The following CELF1 variants were observed in gnomAD, a reference collection of about 807,000 sequenced individuals.
CELF1 encodes 50 kDa nuclear polyadenylated RNA-binding protein.
CELF1 carries 10 observed loss-of-function variants against 61.8 expected under a neutral mutation model. That is an observed-to-expected ratio of 0.16 (90% CI 0.10 to 0.27). The LOEUF (loss-of-function observed/expected upper bound fraction) is 0.27. Ranked by LOEUF, CELF1 falls within the 10% of genes least tolerant of loss-of-function variation. CELF1 has a pLI of 1.00. For synonymous variants in CELF1, 236 were observed against 225.1 expected (o/e 1.05, Z -0.43); for missense variants, 380 against 639.1 (o/e 0.59, Z 4.37).
chr11:47,522,036 G>C (rs1237389456), intron 1 of CELF1, among the ~76,000 whole-genome samples: 1 of 151,658 alleles, frequency 6.6e-6, no homozygotes, highest in East Asian at 2.0e-4. Flanking sequence ...TCAGCCTCCC[G>C]AGTAGCTGGG....
At chr11:47,534,066 T>C (rs1320850199) in intron 1 of CELF1, among the ~76,000 whole-genome samples, 1 of 148,650 alleles carries the variant, frequency 6.7e-6, no homozygotes, top group Non-Finnish European at 1.5e-5. Context: ...TTCACTCTTG[T>C]TGCCCAGGCT....
chr11:47,479,000 T>C, intron 9 of CELF1, 48 bp from the exon 10 acceptor site: 1 of 1,483,864 alleles, frequency 6.7e-7, no homozygotes, highest in Non-Finnish European at 9.3e-7. Context: ...TGAGGGCTGG[T>C]TCTGCATCTG....
intron 1 of CELF1, among the ~76,000 whole-genome samples, chr11:47,531,891 T>C (rs1363043232): frequency 6.6e-6 from 1 of 152,196 alleles, no homozygotes; most frequent in Non-Finnish European, 1.5e-5. Context: ...CATTATCTTT[T>C]CCAAGTTCTA....
intron 1 of CELF1, among the ~76,000 whole-genome samples, chr11:47,530,767 C>A (rs764065653): frequency 2.6e-4 from 39 of 152,048 alleles, no homozygotes; most frequent in Non-Finnish European, 4.3e-4. Context: ...CCAGCCTGGG[C>A]AACACAGGGG....
At chr11:47,506,700 C>T (rs746362062) in intron 1 of CELF1, among the ~76,000 whole-genome samples, 2 of 152,220 alleles carry the variant, frequency 1.3e-5, no homozygotes, top group African/African-American at 4.8e-5. Context: ...ATATTTCTAG[C>T]TTCCCAGGGA....
chr11:47,543,012 C>T (rs2096848152), intron 1 of CELF1, among the ~76,000 whole-genome samples: 2 of 151,880 alleles, frequency 1.3e-5, no homozygotes, highest in East Asian at 1.9e-4. Flanking sequence ...CCCAGCTACT[C>T]GGAAAGCTGA....
At chr11:47,480,172 C>A (rs1327780286) in intron 9 of CELF1, among the ~76,000 whole-genome samples, 2 of 151,860 alleles carry the variant, frequency 1.3e-5, no homozygotes, top group African/African-American at 4.8e-5. Flanking sequence ...CTGCAACCTC[C>A]GCCTTCCAGG....
chr11:47,476,075 C>T (rs915776626), intron 12 of CELF1, among the ~76,000 whole-genome samples: 3 of 151,342 alleles, frequency 2.0e-5, no homozygotes, highest in Non-Finnish European at 2.9e-5. Context: ...TCATAGCTCA[C>T]TGCAGCCTCA....
At chr11:47,492,496 G>A (rs763357040) in intron 3 of CELF1, among the ~76,000 whole-genome samples, 8 of 152,110 alleles carry the variant, frequency 5.3e-5, no homozygotes, top group East Asian at 1.9e-4. Context: ...GTGGGAGGCC[G>A]AGGCAGGCAG....
intron 1 of CELF1, among the ~76,000 whole-genome samples, chr11:47,519,313 T>C (rs1299389842): frequency 1.3e-5 from 2 of 151,358 alleles, no homozygotes; most frequent in African/African-American, 4.9e-5. Context: ...ACCCCATCTC[T>C]ACTACAAATA....
chr11:47,479,053 C>G (rs2081516612), intron 9 of CELF1, 101 bp from the exon 10 acceptor site: 1 of 895,830 alleles, frequency 1.1e-6, no homozygotes, highest in Non-Finnish European at 1.8e-6. Flanking sequence ...CAGAGGCCCC[C>G]AGAGAGAAGA....
intron 13 of CELF1, among the ~76,000 whole-genome samples, chr11:47,475,052 G>A (rs2079383413): frequency 6.6e-6 from 1 of 152,190 alleles, no homozygotes. Context: ...AAACATTCTT[G>A]TCAAATGTGT....
chr11:47,519,839 G>A (rs1307857367), intron 1 of CELF1, among the ~76,000 whole-genome samples: 1 of 151,638 alleles, frequency 6.6e-6, no homozygotes, highest in Non-Finnish European at 1.5e-5. Flanking sequence ...TTCCAGCCTG[G>A]GCGACGGAGC....
At chr11:47,482,941 A>G in intron 8 of CELF1, 85 bp from the exon 9 acceptor site, 1 of 1,231,404 alleles carries the variant, frequency 8.1e-7, no homozygotes, top group Non-Finnish European at 1.1e-6. Context: ...CATGCAGGTT[A>G]CATTCTAATT....
intron 1 of CELF1, among the ~76,000 whole-genome samples, chr11:47,552,263 G>A (rs2097157892): frequency 6.6e-6 from 1 of 152,162 alleles, no homozygotes; most frequent in Non-Finnish European, 1.5e-5. Flanking sequence ...AAGCTCCTTG[G>A]TGCATGTGTA....
In CELF1 at chr11:47,475,607, G is replaced by A. The variant is rs557655366; in HGVS notation, c.1088-86C>T. ...GTCTACTTGGGACATCTAGAAGAGG[G>A]AAAACTCCAAAGTTCTCCCCTTTAT... On this transcript the variant is annotated intron_variant, in intron 12 of 14. Coordinates refer to ENST00000687097, the MANE Select transcript of CELF1 (RefSeq NM_001376376.1). 5.7e-4 allele frequency: 774 copies of A among 1,365,898 alleles called. 2 individuals are homozygous for A. The highest frequency in any genetic ancestry group is 7.6e-4 in the Non-Finnish European group (745 of 985,304). The allele number at this position is 1,365,898 out of a possible 1,614,324, so 84.6% of individuals were successfully genotyped here.
In CELF1 at chr11:47,467,096, C is replaced by G. The variant is rs1008564511; in HGVS notation, c.*5134G>C. 1 of 152,298 alleles carries G rather than the reference C, an allele frequency of 6.6e-6. No homozygotes were observed. The highest frequency in any genetic ancestry group is 2.4e-5 in the African/African-American group (1 of 41,432). 9.4% of individuals were successfully genotyped at this position (152,298 alleles called of 1,614,324 possible). A position where few individuals can be genotyped will look rare whatever the true frequency, so the allele number is the denominator to read the frequency against. ...ATGCTCAATAGCGCTTCCACCTCCC[C>G]CTCCCCAGCCCCTAGCTACATCTCT... On this transcript the variant is annotated 3_prime_UTR_variant, in exon 15 of 15. Transcript: ENST00000687097.
chr11:47,492,832 T>TGCTA (rs1056432863), intron 3 of CELF1, among the ~76,000 whole-genome samples: 1 of 152,226 alleles, frequency 6.6e-6, no homozygotes, highest in Non-Finnish European at 1.5e-5. Context: ...ACTAGAATGT[T>TGCTA]GCTAATCTTT....
At chr11:47,489,316 A>T (rs955330553) in intron 3 of CELF1, among the ~76,000 whole-genome samples, 4 of 152,118 alleles carry the variant, frequency 2.6e-5, no homozygotes, top group Admixed American at 6.6e-5. Context: ...CTAGAGGAGG[A>T]ACTTAAAGGG....
Sources: gnomAD v4.1 joint callset for allele counts (sites outside exome capture counted in the v4.1 genomes callset) on GRCh38, gnomAD v4.1.1 for gene constraint, MANE v1.5 for transcripts, NCBI Gene and HGNC (gene_info 2026-07-23, HGNC 2026-07-21) for gene names.